The following EPHA7 variants were observed in gnomAD, a reference collection of about 807,000 sequenced individuals.
EPHA7 encodes ephrin type-A receptor 7.
EPHA7 carries 25 observed loss-of-function variants against 112.6 expected under a neutral mutation model. The ratio of observed to expected loss-of-function variants is 0.22; its 90% CI spans 0.16 to 0.31. The LOEUF is 0.31. Among genes scored for constraint, EPHA7 ranks in the 10% least tolerant of loss-of-function variants. EPHA7 has a pLI of 1.00. For synonymous variants in EPHA7, 437 were observed against 406.5 expected (o/e 1.07, Z -0.90); for missense variants, 962 against 1,212.6 (o/e 0.79, Z 3.07).
chr6:93,321,253 T>G (rs548870181), intron 5 of EPHA7, among the ~76,000 whole-genome samples: 1 of 152,092 alleles, frequency 6.6e-6, no homozygotes, highest in Admixed American at 6.6e-5. Context: ...GTATTTGCAT[T>G]GTAACAAGCA....
chr6:93,291,767 C>CAAAA lies in EPHA7; in HGVS notation c.1325-19349_1325-19346dup, dbSNP rs66483422. On this transcript the variant is annotated intron_variant, in intron 5 of 16. Coordinates refer to ENST00000369303, the MANE Select transcript of EPHA7 (RefSeq NM_004440.4). Reference sequence around the variant, plus strand: ...TGGGCGACAGAGCGAGACTCCGTCTCAAAAAAAAAAAAAAAAAAAATACTT... The same window carrying CAAAA: ...TGGGCGACAGAGCGAGACTCCGTCTCAAAAAAAAAAAAAAAAAAAAAAAATACTT... Among the ~76,000 whole-genome samples the CAAAA allele has an allele frequency of 1.3e-4, 9 of 71,678 alleles. 1 individual carries two copies. The highest frequency in any genetic ancestry group is 1.9e-4 in the Admixed American group (1 of 5,276). The allele number at this position is 71,678 out of a possible 152,430, so 47.0% of individuals were successfully genotyped here.
chr6:93,331,253 C>T (rs904557685), intron 5 of EPHA7, among the ~76,000 whole-genome samples: 2 of 151,358 alleles, frequency 1.3e-5, no homozygotes, highest in Admixed American at 6.6e-5. Flanking sequence ...CTAAACAAGT[C>T]TCCCTAGTTT....
At position 93,410,237 on chromosome 6, in the gene EPHA7, G is replaced by T; in HGVS notation, c.832+264C>A. ...CTCTCTAAACTCCATAGCCCAACGTGCAACTATTGACTTCCATGTTAAGCA... is the reference window on the plus strand; with the variant it reads ...CTCTCTAAACTCCATAGCCCAACGTTCAACTATTGACTTCCATGTTAAGCA... On this transcript the variant is annotated intron_variant, in intron 3 of 16. Coordinates refer to ENST00000369303, the MANE Select transcript of EPHA7 (RefSeq NM_004440.4). The surrounding 1 kb of genome is among the most constrained non-coding windows in gnomAD (Gnocchi z 4.0). 2.5e-6 allele frequency: 1 copy of T among 394,780 alleles called. No individual in the cohort carries two copies. Among genetic ancestry groups the T allele is most frequent in the Non-Finnish European group, 4.6e-6 (1 of 217,834 alleles). 24.5% of individuals were successfully genotyped at this position (394,780 alleles called of 1,614,324 possible).
At chr6:93,281,031 C>T (rs1200977715) in intron 5 of EPHA7, among the ~76,000 whole-genome samples, 1 of 152,108 alleles carries the variant, frequency 6.6e-6, no homozygotes, top group Admixed American at 6.6e-5. Context: ...GGGATACCAG[C>T]ACTCTCCATA....
chr6:93,295,271 TG>T (rs1772601213), intron 5 of EPHA7, among the ~76,000 whole-genome samples: 4 of 152,062 alleles, frequency 2.6e-5, no homozygotes, highest in Admixed American at 2.6e-4. Context: ...TTCCATTTTT[TG>T]TGTGTTTGGG....
rs924247664 is a variant in EPHA7 at position 93,412,202 on chromosome 6, T to C, written c.163-1032A>G. On this transcript the variant is annotated intron_variant, in intron 2 of 16. Transcript: ENST00000369303. ...AATAATGAAATTGTCATGTTAATAT[T>C]AATTTCCCCAATAAAAAATTCAAAT... Among the ~76,000 whole-genome samples, 29 of 152,208 alleles carry C rather than the reference T, an allele frequency of 1.9e-4. No individual in the cohort carries two copies. In the Middle Eastern group the frequency reaches 0.01, roughly 54 times the overall value.
chr6:93,382,586 AT>A (rs1777391467), intron 3 of EPHA7, among the ~76,000 whole-genome samples: 1 of 151,986 alleles, frequency 6.6e-6, no homozygotes, highest in South Asian at 2.1e-4. Context: ...TTGCTTTGTC[AT>A]TTCTCTTCTT....
At chr6:93,371,449 C>A (rs183422283) in intron 3 of EPHA7, among the ~76,000 whole-genome samples, 412 of 152,172 alleles carry the variant, frequency 2.7e-3, no homozygotes, top group African/African-American at 9.6e-3. Flanking sequence ...ATATAAGGGA[C>A]TTAAGCATCT....
chr6:93,268,039 C>T (rs545334115), intron 7 of EPHA7, among the ~76,000 whole-genome samples: 1 of 151,742 alleles, frequency 6.6e-6, no homozygotes, highest in South Asian at 2.1e-4. Context: ...ACTAACCACT[C>T]AAATGTTTAA....
chr6:93,260,174 C>G lies in EPHA7; in HGVS notation c.1799-695G>C, dbSNP rs139323234. Among the ~76,000 whole-genome samples, 13 of 151,712 alleles carry G rather than the reference C, an allele frequency of 8.6e-5. No homozygotes were observed. The East Asian group carries it at 2.3e-3, about 27-fold the overall frequency. ...GGGATCTGTTAACCAAGTATGACAGCGATTTGAAAGAGGAATGGTTTATAT... is the reference window on the plus strand; with the variant it reads ...GGGATCTGTTAACCAAGTATGACAGGGATTTGAAAGAGGAATGGTTTATAT... On this transcript the variant is annotated intron_variant, in intron 9 of 16. Transcript: ENST00000369303.
At chr6:93,401,898 T>C (rs2127989418) in intron 3 of EPHA7, among the ~76,000 whole-genome samples, 1 of 152,080 alleles carries the variant, frequency 6.6e-6, no homozygotes, top group South Asian at 2.1e-4. Context: ...TGATAGACAA[T>C]ATCATCATGA....
intron 14 of EPHA7, among the ~76,000 whole-genome samples, chr6:93,254,201 A>T (rs1770337223): frequency 1.3e-5 from 2 of 152,216 alleles, no homozygotes; most frequent in South Asian, 4.1e-4. Flanking sequence ...TGAAACTAAA[A>T]CTTAAACCAA....
intron 5 of EPHA7, among the ~76,000 whole-genome samples, chr6:93,349,632 C>T (rs1212353466): frequency 1.3e-5 from 2 of 151,712 alleles, no homozygotes; most frequent in East Asian, 1.9e-4. Flanking sequence ...GTGGAGAATG[C>T]TGTGTTTAAT....
intron 3 of EPHA7, among the ~76,000 whole-genome samples, chr6:93,367,990 G>C (rs1776599483): frequency 6.6e-6 from 1 of 152,036 alleles, no homozygotes; most frequent in Non-Finnish European, 1.5e-5. Flanking sequence ...ATATAGCCCA[G>C]TATTCATTCC....
chr6:93,269,343 A>G (rs995796288), intron 7 of EPHA7, 134 bp downstream of exon 7: 3 of 628,826 alleles, frequency 4.8e-6, no homozygotes, highest in Admixed American at 3.8e-5. Context: ...TACAAAGTAC[A>G]TTTATATGTA....
intron 14 of EPHA7, among the ~76,000 whole-genome samples, chr6:93,253,736 T>TA (rs1185137045): frequency 6.6e-6 from 1 of 152,078 alleles, no homozygotes; most frequent in African/African-American, 2.4e-5. Context: ...TGTGCTTCCT[T>TA]AGAGAATTGG....
chr6:93,259,620 C>G, intron 9 of EPHA7, 141 bp from the exon 10 acceptor site: 2 of 920,296 alleles, frequency 2.2e-6, no homozygotes, highest in South Asian at 3.2e-5. Context: ...TTTTAACAGA[C>G]TACTTCAGTC....
chr6:93,271,068 T>C (rs1156632485), intron 6 of EPHA7, among the ~76,000 whole-genome samples: 1 of 151,752 alleles, frequency 6.6e-6, no homozygotes, highest in African/African-American at 2.4e-5. Context: ...AAGCAGAGAA[T>C]ATAACTGATA....
intron 3 of EPHA7, among the ~76,000 whole-genome samples, chr6:93,377,870 C>A (rs2127967444): frequency 6.6e-6 from 1 of 152,218 alleles, no homozygotes; most frequent in South Asian, 2.1e-4. Flanking sequence ...CTAATTCATT[C>A]AAGAAATATT....
Sources: gnomAD v4.1 joint callset for allele counts (sites outside exome capture counted in the v4.1 genomes callset) on GRCh38, gnomAD v4.1.1 for gene constraint, Gnocchi (gnomAD v3.1) non-coding constraint, MANE v1.5 for transcripts, NCBI Gene and HGNC (gene_info 2026-07-23, HGNC 2026-07-21) for gene names.